The following PCSK5 variants were observed in gnomAD, a reference collection of about 807,000 sequenced individuals.
The protein encoded by PCSK5 is prohormone convertase 5.
In PCSK5, 129 loss-of-function variants were observed where a neutral mutation model predicts 233.2. The observed-to-expected ratio is 0.55, with a 90% CI of 0.48 to 0.64. PCSK5 has a LOEUF of 0.64. Ranked by LOEUF, PCSK5 falls within the 30% of genes least tolerant of loss-of-function variation. PCSK5 has a pLI of 0.00. For synonymous variants in PCSK5, 825 were observed against 879.2 expected (o/e 0.94, Z 1.09); for missense variants, 2,076 against 2,430.1 (o/e 0.85, Z 3.06).
chr9:76,246,356 A>C (rs1233538233), intron 24 of PCSK5, among the ~76,000 whole-genome samples: 4 of 147,652 alleles, frequency 2.7e-5, no homozygotes, highest in East Asian at 1.9e-4. Flanking sequence ...AAAAAAAAAA[A>C]AAAAAAAAAA....
At chr9:75,993,001 G>A (rs1377698915) in intron 3 of PCSK5, among the ~76,000 whole-genome samples, 1 of 152,094 alleles carries the variant, frequency 6.6e-6, no homozygotes, top group Non-Finnish European at 1.5e-5. Flanking sequence ...CAGCCAACTG[G>A]ATGGTGTTCA....
intron 10 of PCSK5, among the ~76,000 whole-genome samples, chr9:76,139,634 G>A (rs908602998): frequency 6.6e-5 from 10 of 151,920 alleles, no homozygotes; most frequent in Admixed American, 2.0e-4. Context: ...TGGAAATGCC[G>A]CCTAACATAT....
At chr9:76,097,246 CTTTTTTTTTTTT>C (rs71372046) in intron 8 of PCSK5, among the ~76,000 whole-genome samples, 9 of 67,328 alleles carry the variant, frequency 1.3e-4, no homozygotes, top group South Asian at 7.3e-4. Flanking sequence ...AAGTGCATTT[CTTTTTTTTTTTT>C]TTTTTTTTTT....
intron 30 of PCSK5, among the ~76,000 whole-genome samples, chr9:76,317,777 A>G (rs1027384): frequency 0.5 from 75,419 of 152,026 alleles, 19,926 homozygotes; most frequent in African/African-American, 0.66. Flanking sequence ...TTGCCCTTCT[A>G]CGCGTTTGTC....
In PCSK5 at chr9:76,148,025, G is replaced by C. The variant is rs541025876; in HGVS notation, c.1313-9020G>C. 3.9e-5 allele frequency among the ~76,000 whole-genome samples: 6 copies of C among 152,004 alleles called. No individual in the cohort carries two copies. In the South Asian group the frequency reaches 8.3e-4, roughly 21 times the overall value. ...CCTGCAAGTAGTCTGAATTAGCTGC[G>C]TCCATTTCCTTAGTTCATTCAGTCC... On this transcript the variant is annotated intron_variant, in intron 10 of 37. Transcript: ENST00000674117.
intron 35 of PCSK5, among the ~76,000 whole-genome samples, chr9:76,339,291 T>G (rs1181477669): frequency 6.6e-6 from 1 of 152,210 alleles, no homozygotes; most frequent in Non-Finnish European, 1.5e-5. Flanking sequence ...GCTGGTAGGA[T>G]ACATACCTGT....
rs893022476 is a variant in PCSK5, at chr9:76,238,994, G to A, written c.2902G>A (p.Glu968Lys). Residue 968 changes from glutamate (E) to lysine (K), a missense_variant, in exon 23 of 38, where the codon GAG (glutamate) becomes AAG (lysine). This residue lies in a region of PCSK5 where 1,510 missense variants were observed against 1,538.1 expected (regional missense o/e 0.98). Transcript: ENST00000674117. Reference sequence around the variant, plus strand: ...CCGAGAGCACTTCCTGTACCAGGGAGAGTGTGGAGATAGCTGCCCAGAGGG... The same window carrying A: ...CCGAGAGCACTTCCTGTACCAGGGAAAGTGTGGAGATAGCTGCCCAGAGGG... ...YGREHFLYQG[E>K]CGDSCPEGHY... 2.5e-6 allele frequency: 4 copies of A among 1,612,384 alleles called. No homozygotes were observed. The highest frequency in any genetic ancestry group is 3.4e-6 in the Non-Finnish European group (4 of 1,179,758).
intron 13 of PCSK5, among the ~76,000 whole-genome samples, chr9:76,171,920 C>A (rs1823347514): frequency 6.6e-6 from 1 of 151,928 alleles, no homozygotes; most frequent in South Asian, 2.1e-4. Context: ...CTTTGAGTGT[C>A]CTGTTTATGG....
At chr9:75,986,384 G>A (rs1159271071) in intron 3 of PCSK5, 139 bp downstream of exon 3, 1 of 589,522 alleles carries the variant, frequency 1.7e-6, no homozygotes, top group Non-Finnish European at 3.1e-6. Context: ...ATTTGAGATT[G>A]GTTAATGGCC....
chr9:76,313,391 T>G (rs1828923300), intron 30 of PCSK5, among the ~76,000 whole-genome samples: 1 of 152,232 alleles, frequency 6.6e-6, no homozygotes, highest in Non-Finnish European at 1.5e-5. Flanking sequence ...AACATTGTCA[T>G]CAACCTAGAA....
intron 5 of PCSK5, among the ~76,000 whole-genome samples, chr9:76,040,329 C>A (rs1411282756): frequency 8.8e-5 from 1 of 11,330 alleles, no homozygotes; most frequent in Non-Finnish European, 1.5e-4. Context: ...TTCTCTGTCT[C>A]TCTCTCTCTC....
chr9:75,935,375 C>T lies in PCSK5; in HGVS notation c.297+2892C>T, dbSNP rs80104319. ...AGCCACTGAGCCCGGCCGATATTCA[C>T]ATGTATACGTATGTAAGGTATGCAT... On this transcript the variant is annotated intron_variant, in intron 2 of 37. Transcript: ENST00000674117. Among the ~76,000 whole-genome samples the T allele has an allele frequency of 4.5e-4, 68 of 152,272 alleles. 1 individual carries two copies. The East Asian group carries it at 0.012, about 26-fold the overall frequency.
At chr9:76,299,606 A>T (rs1410199763) in intron 27 of PCSK5, among the ~76,000 whole-genome samples, 2 of 152,196 alleles carry the variant, frequency 1.3e-5, no homozygotes. Context: ...CAGGAGGCAG[A>T]GGTTGCAGTG....
chr9:76,010,528 G>A (rs1479113674), intron 3 of PCSK5, among the ~76,000 whole-genome samples: 1 of 152,142 alleles, frequency 6.6e-6, no homozygotes, highest in Non-Finnish European at 1.5e-5. Flanking sequence ...AGAATAAAGT[G>A]GAAAGGGCTG....
chr9:76,088,689 G>A (rs1215269726), intron 7 of PCSK5, among the ~76,000 whole-genome samples: 3 of 152,084 alleles, frequency 2.0e-5, no homozygotes, highest in African/African-American at 7.2e-5. Flanking sequence ...AAACAAGTCT[G>A]GGGCTTAAGT....
chr9:76,122,697 A>G (rs960743105), intron 9 of PCSK5, among the ~76,000 whole-genome samples: 62 of 152,146 alleles, frequency 4.1e-4, no homozygotes, highest in Non-Finnish European at 7.6e-4. Context: ...TTTGTAGGAC[A>G]TATATTTCAA....
chr9:75,891,528 T>C (rs62559211), intron 1 of PCSK5, among the ~76,000 whole-genome samples, 155 bp downstream of exon 1: 12 of 56,356 alleles, frequency 2.1e-4, no homozygotes, highest in African/African-American at 9.3e-4. Context: ...CGCGCGCGCG[T>C]ACGCACACAC....
intron 20 of PCSK5, among the ~76,000 whole-genome samples, chr9:76,220,774 A>G (rs1282987985): frequency 6.6e-6 from 1 of 152,092 alleles, no homozygotes; most frequent in Non-Finnish European, 1.5e-5. Context: ...TGATGAGAAC[A>G]CTTAAAATCT....
intron 5 of PCSK5, among the ~76,000 whole-genome samples, chr9:76,057,276 T>C (rs1324936745): frequency 6.6e-6 from 1 of 152,214 alleles, no homozygotes; most frequent in Non-Finnish European, 1.5e-5. Flanking sequence ...ATCTTGTTCA[T>C]ACACTTGAAC....
Sources: gnomAD v4.1 joint callset for allele counts (sites outside exome capture counted in the v4.1 genomes callset) on GRCh38, gnomAD v4.1.1 for gene constraint, gnomAD v4.1.1 regional missense constraint, MANE v1.5 for transcripts, NCBI Gene and HGNC (gene_info 2026-07-23, HGNC 2026-07-21) for gene names.